Variants in CPAMD8 observed in about 807,000 individuals in gnomAD.
CPAMD8 encodes the protein C3 and PZP-like alpha-2-macroglobulin domain-containing protein 8.
A neutral mutation model predicts 224.7 loss-of-function variants in CPAMD8; 146 were observed. That is an observed-to-expected ratio of 0.65 (90% CI 0.57 to 0.75). CPAMD8 has a LOEUF of 0.75. Among genes scored for constraint, CPAMD8 ranks in the 30% least tolerant of loss-of-function variants. The probability of loss-of-function intolerance (pLI) is 0.00; values close to 1 mark genes in which losing one functional copy is unlikely to be tolerated. For synonymous variants in CPAMD8, 966 were observed against 1,044.6 expected, an observed-to-expected ratio of 0.92 and a Z score of 1.45; for missense variants, 2,301 against 2,537.5, an observed-to-expected ratio of 0.91 and a Z score of 2.00.
intron 14 of CPAMD8, among the ~76,000 whole-genome samples, chr19:16,979,420 G>GTCCA (rs1395567803): frequency 2.3e-5 from 1 of 43,778 alleles, no homozygotes; most frequent in African/African-American, 2.3e-4. Flanking sequence ...CCATCTTTTG[G>GTCCA]TCCATCCATC....
intron 22 of CPAMD8, among the ~76,000 whole-genome samples, chr19:16,941,536 T>C (rs985866117): frequency 6.6e-6 from 1 of 152,232 alleles, no homozygotes; most frequent in Admixed American, 6.5e-5. Flanking sequence ...GGTTTGGATT[T>C]GTGTTCCCAC....
In CPAMD8 at chr19:17,002,501, C is replaced by T. The variant is rs559376208; in HGVS notation, c.674-151G>A. 1.5e-4 allele frequency: 83 copies of T among 536,928 alleles called. 1 individual carries two copies. In the South Asian group the frequency reaches 2.3e-3, roughly 15 times the overall value. The allele number at this position is 536,928 out of a possible 1,614,324, so 33.3% of individuals were successfully genotyped here. A position where few individuals can be genotyped will look rare whatever the true frequency, so the allele number is the denominator to read the frequency against. ...CATCCACACCACTCTGCTGAGCAGC[C>T]CTGGGGATTTTGTGGGCTGCATCTA... On this transcript the variant is annotated intron_variant, in intron 8 of 41. Transcript: ENST00000443236.
Position 16,980,639 on chromosome 19 carries a change from G to C in CPAMD8, c.1443C>G (p.Asn481Lys), listed in dbSNP as rs2055478587. Residue 481 changes from asparagine to lysine, a missense_variant, in exon 14 of 42, where the codon AAC becomes AAG. By Grantham distance (94) the Asn-to-Lys change is moderately conservative. Around this residue, in one of 4 missense-constraint regions of CPAMD8, gnomAD observed 301 missense variants for 406.6 expected, o/e 0.74. Coordinates refer to ENST00000443236, the MANE Select transcript of CPAMD8 (RefSeq NM_015692.5). ...YFSVKSTCPC[N>K]FTLYYEVAAR... ...CAGCCACCTCGTAGTACAGGGTAAA[G>C]TTGCAGGGACATGTGGACTTCACAG... 6.3e-7 allele frequency: 1 copy of C among 1,593,146 alleles called. No homozygotes were observed. The highest frequency in any genetic ancestry group is 1.1e-5 in the South Asian group (1 of 88,366).
At chr19:16,998,925 C>T (rs1446910734) in intron 10 of CPAMD8, among the ~76,000 whole-genome samples, 2 of 152,128 alleles carry the variant, frequency 1.3e-5, no homozygotes, top group African/African-American at 4.8e-5. Context: ...GCAGAAACAA[C>T]CCAAATGTCC....
intron 22 of CPAMD8, among the ~76,000 whole-genome samples, chr19:16,943,480 G>A (rs1408313963): frequency 6.6e-6 from 1 of 151,870 alleles, no homozygotes; most frequent in Admixed American, 6.6e-5. Flanking sequence ...ATAGCTCACT[G>A]CAGCCTCCAA....
intron 39 of CPAMD8, 70 bp from the exon 40 acceptor site, chr19:16,896,735 G>T: frequency 8.6e-7 from 1 of 1,156,610 alleles, no homozygotes; most frequent in Non-Finnish European, 1.1e-6. Context: ...GAACCTGGGG[G>T]TGGGGAAGAT....
intron 25 of CPAMD8, among the ~76,000 whole-genome samples, 193 bp from the exon 26 acceptor site, chr19:16,925,565 C>A (rs1361673227): frequency 6.6e-6 from 1 of 152,192 alleles, no homozygotes; most frequent in East Asian, 1.9e-4. Context: ...ACACCTCCTT[C>A]TGTGTTCTTT....
Position 16,929,157 on chromosome 19 carries a change from C to G in CPAMD8, c.2929G>C (p.Val977Leu), listed in dbSNP as rs2053470006. Residue 977 changes from valine to leucine, a missense_variant, in exon 24 of 42, where the codon GTG becomes CTG. This residue lies in a region of CPAMD8 where 1,709 missense variants were observed against 1,753.2 expected (regional missense o/e 0.97). Transcript: ENST00000443236. ...ACACGGGCATCATTGTGAGCTCGCACAGCCACATCAAAGCGGGTGAGGCGC... is the reference window on the plus strand; with the variant it reads ...ACACGGGCATCATTGTGAGCTCGCAGAGCCACATCAAAGCGGGTGAGGCGC... ...PLRLTRFDVA[V>L]RAHNDARVAL... 3.7e-6 allele frequency: 6 copies of G among 1,614,114 alleles called. No individual in the cohort carries two copies. The highest frequency in any genetic ancestry group is 5.1e-6 in the Non-Finnish European group (6 of 1,179,976).
At chr19:17,012,873 T>C (rs751481800) in intron 3 of CPAMD8, among the ~76,000 whole-genome samples, 1 of 152,218 alleles carries the variant, frequency 6.6e-6, no homozygotes, top group Non-Finnish European at 1.5e-5. Context: ...TGTGTCTGTG[T>C]TTGCCTCACT....
intron 2 of CPAMD8, among the ~76,000 whole-genome samples, chr19:17,021,555 G>A (rs1457451030): frequency 1.3e-5 from 2 of 152,216 alleles, no homozygotes; most frequent in Non-Finnish European, 2.9e-5. Flanking sequence ...TGACCAGGAG[G>A]CTGAGGCTGT....
chr19:17,003,675 G>C (rs943786524), intron 8 of CPAMD8, among the ~76,000 whole-genome samples: 1 of 150,986 alleles, frequency 6.6e-6, no homozygotes, highest in Non-Finnish European at 1.5e-5. Flanking sequence ...CAACTCAGGA[G>C]GCTGAGGAGG....
intron 18 of CPAMD8, among the ~76,000 whole-genome samples, chr19:16,967,704 G>C (rs1199792160): frequency 1.3e-5 from 2 of 151,572 alleles, no homozygotes; most frequent in African/African-American, 4.8e-5. Context: ...AGGTACTTGG[G>C]AGGCTGAGGC....
At chr19:17,004,777 G>C (rs1045918836) in intron 7 of CPAMD8, among the ~76,000 whole-genome samples, 2 of 152,008 alleles carry the variant, frequency 1.3e-5, no homozygotes, top group Admixed American at 6.5e-5. Context: ...GTGGCTCTCT[G>C]GGGTGGAGGT....
intron 27 of CPAMD8, among the ~76,000 whole-genome samples, chr19:16,915,265 C>A (rs544709273): frequency 2.0e-5 from 3 of 152,250 alleles, no homozygotes; most frequent in South Asian, 4.2e-4. Context: ...GCCAGCCAGT[C>A]ATGGGCATTC....
In CPAMD8 at chr19:16,993,407, C is replaced by T; in HGVS notation, c.1266+9G>A. ...GGCTGAATAACAAGGGTCCACGGGA[C>T]TCACCCACCTCCAGCCACACGTGCT... On this transcript the variant is annotated intron_variant, in intron 12 of 41. Transcript: ENST00000443236. 1 of 1,610,154 alleles carries T rather than the reference C, an allele frequency of 6.2e-7. No homozygotes were observed.
At chr19:16,896,087 G>A (rs751008555) in intron 41 of CPAMD8, 89 bp downstream of exon 41, 2 of 1,464,286 alleles carry the variant, frequency 1.4e-6, no homozygotes, top group Admixed American at 3.3e-5. Context: ...GAGGAGTCGG[G>A]GCAGGTCGTC....
rs773481207 is a variant in CPAMD8, at chr19:17,026,579, C to T, written c.64G>A (p.Gly22Ser). 5 of 1,526,896 alleles carry T rather than the reference C, an allele frequency of 3.3e-6. No individual in the cohort carries two copies. Among genetic ancestry groups the T allele is most frequent in the Middle Eastern group, 3.4e-4 (2 of 5,864 alleles). The allele number at this position is 1,526,896 out of a possible 1,614,324, so 94.6% of individuals were successfully genotyped here. A position where few individuals can be genotyped will look rare whatever the true frequency, so the allele number is the denominator to read the frequency against. The change falls in exon 1 of 42, where the codon GGC becomes AGC. Residue 22 changes from glycine to serine, a missense_variant. Around this residue, in one of 4 missense-constraint regions of CPAMD8, gnomAD observed 283 missense variants for 340.6 expected, o/e 0.83. Coordinates refer to ENST00000443236, the MANE Select transcript of CPAMD8 (RefSeq NM_015692.5). Reference sequence around the variant, plus strand: ...GCCTGAGGCTGCGCGGCGCGCACGCCGTCCCGCGCCGACAGCAGCAGGAGC... The same window carrying T: ...GCCTGAGGCTGCGCGGCGCGCACGCTGTCCCGCGCCGACAGCAGCAGGAGC... ...LLLLLLSARD[G>S]VRAAQPQAPG...
chr19:16,923,603 T>C (rs966957054), intron 26 of CPAMD8, among the ~76,000 whole-genome samples: 2 of 152,182 alleles, frequency 1.3e-5, no homozygotes, highest in Non-Finnish European at 2.9e-5. Flanking sequence ...AAGGTTAGGA[T>C]CTCCAGATGA....
intron 35 of CPAMD8, among the ~76,000 whole-genome samples, 186 bp from the exon 36 acceptor site, chr19:16,901,483 G>T (rs2052255633): frequency 6.6e-6 from 1 of 152,212 alleles, no homozygotes; most frequent in Non-Finnish European, 1.5e-5. Context: ...TTACAGCAGG[G>T]ACACTGAGAC....
Sources: gnomAD v4.1 joint callset for allele counts (sites outside exome capture counted in the v4.1 genomes callset) on GRCh38, gnomAD v4.1.1 for gene constraint, gnomAD v4.1.1 regional missense constraint, MANE v1.5 for transcripts, NCBI Gene and HGNC (gene_info 2026-07-23, HGNC 2026-07-21) for gene names.